PDZD8: variants seen among roughly 807,000 people sequenced by gnomAD.
PDZD8 encodes PDZ domain containing 8, also known as PDZ domain-containing protein 8.
A neutral mutation model predicts 85.8 loss-of-function variants in PDZD8; 14 were observed. The ratio of observed to expected loss-of-function variants is 0.16; its 90% CI spans 0.11 to 0.26. The LOEUF (loss-of-function observed/expected upper bound fraction) is 0.26. Ranked by LOEUF, PDZD8 falls within the 10% of genes least tolerant of loss-of-function variation. The pLI is 1.00. For synonymous variants in PDZD8, 592 were observed against 568.6 expected (o/e 1.04, Z -0.59); for missense variants, 1,197 against 1,424.3 (o/e 0.84, Z 2.57).
At chr10:117,317,446 T>A (rs1844148701) in intron 3 of PDZD8, among the ~76,000 whole-genome samples, 1 of 152,190 alleles carries the variant, frequency 6.6e-6, no homozygotes, top group Non-Finnish European at 1.5e-5. Context: ...ACATCAGATA[T>A]AATTAATAAC....
chr10:117,350,258 T>C (rs1844781131), intron 1 of PDZD8, among the ~76,000 whole-genome samples: 1 of 135,436 alleles, frequency 7.4e-6, no homozygotes, highest in Non-Finnish European at 1.5e-5. Context: ...TTTTTTTTGT[T>C]TGTTTGTTTC....
intron 1 of PDZD8, among the ~76,000 whole-genome samples, chr10:117,369,781 T>C (rs1375410024): frequency 6.6e-6 from 1 of 152,154 alleles, no homozygotes; most frequent in African/African-American, 2.4e-5. Flanking sequence ...CTCTGAGAAA[T>C]GCAGCACTGG....
At chr10:117,351,212 C>T (rs1033648429) in intron 1 of PDZD8, among the ~76,000 whole-genome samples, 1 of 152,068 alleles carries the variant, frequency 6.6e-6, no homozygotes, top group Non-Finnish European at 1.5e-5. Flanking sequence ...CAAATGTTCA[C>T]CAAAAGGCAT....
intron 2 of PDZD8, among the ~76,000 whole-genome samples, chr10:117,323,371 T>C (rs900090855): frequency 5.3e-5 from 8 of 152,242 alleles, no homozygotes; most frequent in African/African-American, 1.9e-4. Context: ...TGCTCCCCTC[T>C]ATCCTACTTT....
chr10:117,361,425 T>C (rs943255496), intron 1 of PDZD8, among the ~76,000 whole-genome samples: 13 of 152,184 alleles, frequency 8.5e-5, no homozygotes, highest in African/African-American at 2.4e-4. Flanking sequence ...ACTGAATAAA[T>C]TGAATCTCTT....
At chr10:117,296,166 C>T (rs900061309) in intron 3 of PDZD8, among the ~76,000 whole-genome samples, 3 of 134,140 alleles carry the variant, frequency 2.2e-5, no homozygotes, top group African/African-American at 8.1e-5. Flanking sequence ...ATGAGTGTCT[C>T]TATATCAGAA....
chr10:117,352,009 T>A (rs10437497), intron 1 of PDZD8, among the ~76,000 whole-genome samples: 2,752 of 152,338 alleles, frequency 0.018, 97 homozygotes, highest in African/African-American at 0.064. Flanking sequence ...ATTATTTTAC[T>A]AACACTTAAA....
rs1209153848 is a variant in PDZD8 at position 117,299,260 on chromosome 10, C to T, written c.1099-8912G>A. On this transcript the variant is annotated intron_variant, in intron 3 of 4. Coordinates refer to ENST00000334464, the MANE Select transcript of PDZD8 (RefSeq NM_173791.5). ...AGAAAATCTGATCCCTCACAGTCCACGGTTGGGTTTCAATCCACAGTTGAT... is the reference window on the plus strand; with the variant it reads ...AGAAAATCTGATCCCTCACAGTCCATGGTTGGGTTTCAATCCACAGTTGAT... 4.6e-5 allele frequency among the ~76,000 whole-genome samples: 7 copies of T among 152,152 alleles called. No individual in the cohort carries two copies. The South Asian group carries it at 6.2e-4, about 13-fold the overall frequency.
chr10:117,305,451 CACACAT>C (rs1403655760), intron 3 of PDZD8, among the ~76,000 whole-genome samples: 3 of 143,562 alleles, frequency 2.1e-5, no homozygotes, highest in Non-Finnish European at 4.6e-5. Flanking sequence ...CACACACACA[CACACAT>C]ATATACACAC....
chr10:117,374,410 T>G lies in PDZD8; in HGVS notation c.818A>C (p.Asn273Thr), dbSNP rs751452888. 3.7e-6 allele frequency: 6 copies of G among 1,614,208 alleles called. No homozygotes were observed. The highest frequency in any genetic ancestry group is 5.1e-6 in the Non-Finnish European group (6 of 1,180,018). ...PMPQLTSIIV[N>T]QLKKIIKRKH... ...GCGCTTGATGATCTTCTTGAGCTGGTTGACGATGATGGAGGTGAGCTGGGG... is the reference window on the plus strand; with the variant it reads ...GCGCTTGATGATCTTCTTGAGCTGGGTGACGATGATGGAGGTGAGCTGGGG... The change falls in exon 1 of 5, where the codon AAC becomes ACC. Residue 273 changes from asparagine (N) to threonine (T), a missense_variant. Physicochemically the swap from Asn to Thr is moderately conservative, Grantham distance 65. This residue lies in a region of PDZD8 where 344 missense variants were observed against 453.6 expected (regional missense o/e 0.76). Transcript: ENST00000334464. The surrounding 1 kb of genome is among the most constrained non-coding windows in gnomAD (Gnocchi z 7.8).
intron 1 of PDZD8, among the ~76,000 whole-genome samples, chr10:117,349,293 G>A (rs1038717146): frequency 1.3e-5 from 2 of 152,120 alleles, no homozygotes; most frequent in East Asian, 3.9e-4. Context: ...AATGAGAAGG[G>A]AAAGGAATAC....
chr10:117,373,604 C>T (rs369945355), intron 1 of PDZD8, among the ~76,000 whole-genome samples: 1 of 52,424 alleles, frequency 1.9e-5, no homozygotes, highest in Non-Finnish European at 3.6e-5. Context: ...CTAAAAAATA[C>T]AAAAAAAAAA....
chr10:117,350,219 G>A (rs1844779937), intron 1 of PDZD8, among the ~76,000 whole-genome samples: 1 of 150,854 alleles, frequency 6.6e-6, no homozygotes, highest in Non-Finnish European at 1.5e-5. Context: ...ACCAAAATAA[G>A]AATCTAGGTA....
At chr10:117,300,035 T>TA (rs1351694443) in intron 3 of PDZD8, among the ~76,000 whole-genome samples, 1 of 150,692 alleles carries the variant, frequency 6.6e-6, no homozygotes, top group Non-Finnish European at 1.5e-5. Context: ...CCAGGGAACC[T>TA]ATATGCTAGC....
chr10:117,298,908 G>A (rs1286986127), intron 3 of PDZD8, among the ~76,000 whole-genome samples: 1 of 151,814 alleles, frequency 6.6e-6, no homozygotes, highest in Non-Finnish European at 1.5e-5. Flanking sequence ...AAGGGTTCCA[G>A]GACCCCACTC....
In PDZD8 at chr10:117,375,018, G is replaced by T. The variant is rs748578754; in HGVS notation, c.210C>A (p.Ser70=). Residue 70 remains serine (S), a synonymous_variant, in exon 1 of 5, where the codon TCC becomes TCA. Transcript: ENST00000334464. ...TCGCGCCGCCCTCAGGGGCCGCTCC[G>T]GAGGGCTCCTCATCCCGGCCGCCGC... The part of the protein sequence containing the change: ...LYGGGRDEEP[S]GAAPEGGATP... The T allele has an allele frequency of 9.4e-5, 150 of 1,587,588 alleles. 1 individual carries two copies. Among genetic ancestry groups the T allele is most frequent in the Non-Finnish European group, 2.4e-5 (28 of 1,167,480 alleles).
chr10:117,304,820 C>T (rs1221273566), intron 3 of PDZD8, among the ~76,000 whole-genome samples: 1 of 152,136 alleles, frequency 6.6e-6, no homozygotes, highest in African/African-American at 2.4e-5. Flanking sequence ...GAGGCCTCCC[C>T]AGCCATGTGG....
chr10:117,327,752 G>A (rs1844342384), intron 2 of PDZD8, among the ~76,000 whole-genome samples: 1 of 152,140 alleles, frequency 6.6e-6, no homozygotes, highest in South Asian at 2.1e-4. Context: ...TTTTTTCCAT[G>A]ATGAAAATAT....
chr10:117,293,755 A>G (rs1344007603), intron 3 of PDZD8, among the ~76,000 whole-genome samples: 1 of 152,152 alleles, frequency 6.6e-6, no homozygotes, highest in East Asian at 1.9e-4. Flanking sequence ...ATACTCAACA[A>G]TGGCAAAATA....
Sources: allele counts gnomAD v4.1 joint callset (sites outside exome capture counted in the v4.1 genomes callset), GRCh38; gene constraint gnomAD v4.1.1; regional missense constraint gnomAD v4.1.1; non-coding constraint Gnocchi (gnomAD v3.1); transcripts MANE v1.5; gene names NCBI Gene and HGNC (gene_info 2026-07-23, HGNC 2026-07-21).